Variants in MACROD2 observed in about 807,000 individuals in gnomAD.
MACROD2 encodes mono-ADP ribosylhydrolase 2.
A neutral mutation model predicts 70.4 loss-of-function variants in MACROD2; 36 were observed. The observed-to-expected ratio is 0.51, with a 90% CI of 0.39 to 0.68. MACROD2 has a LOEUF of 0.68. Ranked by LOEUF, MACROD2 falls within the 30% of genes least tolerant of loss-of-function variation. The pLI, the probability that MACROD2 is intolerant of heterozygous loss-of-function variation, is 0.00. For synonymous variants in MACROD2, 172 were observed against 178.8 expected (o/e 0.96, Z 0.30); for missense variants, 496 against 538.4 (o/e 0.92, Z 0.78).
At chr20:15,876,115 G>GTATTTA (rs58389023) in intron 9 of MACROD2, among the ~76,000 whole-genome samples, 1 of 139,038 alleles carries the variant, frequency 7.2e-6, no homozygotes, top group Non-Finnish European at 1.5e-5. Context: ...ATATATATGT[G>GTATTTA]TGTATTTTTT....
intron 8 of MACROD2, among the ~76,000 whole-genome samples, chr20:15,623,679 C>CCTATCTGTCTATCTAT (rs11471837): frequency 7.4e-5 from 11 of 148,138 alleles, no homozygotes; most frequent in African/African-American, 2.8e-4. Context: ...AAGTTATCTG[C>CCTATCTGTCTATCTAT]CTATCTATCT....
chr20:14,611,892 T>C (rs1600454283), intron 4 of MACROD2, among the ~76,000 whole-genome samples: 3 of 152,160 alleles, frequency 2.0e-5, no homozygotes, highest in Non-Finnish European at 4.4e-5. Flanking sequence ...TTAAAATGTA[T>C]GGTTTTAAAT....
At chr20:14,544,354 TC>T (rs2085467522) in intron 4 of MACROD2, among the ~76,000 whole-genome samples, 1 of 152,084 alleles carries the variant, frequency 6.6e-6, no homozygotes, top group Admixed American at 6.6e-5. Flanking sequence ...GAGTTTAAAA[TC>T]AGACAGATTC....
At chr20:15,184,451 G>A (rs1478844986) in intron 5 of MACROD2, among the ~76,000 whole-genome samples, 1 of 152,120 alleles carries the variant, frequency 6.6e-6, no homozygotes, top group Non-Finnish European at 1.5e-5. Context: ...ACCTGATAAA[G>A]GTTTATTTCT....
chr20:15,782,880 C>G (rs921767957), intron 8 of MACROD2, among the ~76,000 whole-genome samples: 1 of 152,016 alleles, frequency 6.6e-6, no homozygotes, highest in African/African-American at 2.4e-5. Context: ...CTATCTCACA[C>G]AGAGTCTTTC....
chr20:14,022,381 A>G (rs778495429), intron 2 of MACROD2, among the ~76,000 whole-genome samples: 8 of 152,104 alleles, frequency 5.3e-5, no homozygotes, highest in Non-Finnish European at 1.2e-4. Flanking sequence ...CGTTGAAAGT[A>G]TAAGTGAAAT....
rs373700177 is a variant in MACROD2 at position 15,355,902 on chromosome 20, T to TAAAC, written c.541-75487_541-75484dup. 3.7e-3 allele frequency among the ~76,000 whole-genome samples: 558 copies of TAAAC among 152,242 alleles called. 5 individuals are homozygous for TAAAC. The highest frequency in any genetic ancestry group is 5.7e-3 in the Non-Finnish European group (390 of 67,996). On this transcript the variant is annotated intron_variant, in intron 6 of 17. Coordinates refer to ENST00000684519, the MANE Select transcript of MACROD2 (RefSeq NM_001351661.2). ...CCCCTATAAAATAATTATGATCTAA[T>TAAAC]AAACAAACAAACAAACAAAAACACT...
At chr20:15,035,362 A>G (rs1472810859) in intron 5 of MACROD2, among the ~76,000 whole-genome samples, 1 of 152,154 alleles carries the variant, frequency 6.6e-6, no homozygotes, top group Non-Finnish European at 1.5e-5. Context: ...CTTGATCACA[A>G]CACTGCACTG....
chr20:14,966,440 G>T (rs2074637650), intron 5 of MACROD2, among the ~76,000 whole-genome samples: 1 of 152,130 alleles, frequency 6.6e-6, no homozygotes, highest in South Asian at 2.1e-4. Flanking sequence ...TTAAAGCATG[G>T]TGGTGCATGC....
chr20:14,302,914 AG>A (rs1247498528), intron 3 of MACROD2, among the ~76,000 whole-genome samples: 2 of 152,124 alleles, frequency 1.3e-5, no homozygotes, highest in Non-Finnish European at 2.9e-5. Flanking sequence ...GGACTCCCCA[AG>A]TGCTGGGACT....
chr20:15,513,720 A>G (rs1283095464), intron 8 of MACROD2, among the ~76,000 whole-genome samples: 1 of 152,238 alleles, frequency 6.6e-6, no homozygotes, highest in East Asian at 1.9e-4. Flanking sequence ...TTCATTACCA[A>G]TAAAAGTAAG....
At chr20:14,602,986 C>G (rs950733238) in intron 4 of MACROD2, among the ~76,000 whole-genome samples, 1 of 152,066 alleles carries the variant, frequency 6.6e-6, no homozygotes, top group African/African-American at 2.4e-5. Flanking sequence ...CCAGCATTAC[C>G]CAATTACATC....
At chr20:14,510,290 TC>T (rs1368174311) in intron 4 of MACROD2, among the ~76,000 whole-genome samples, 2 of 151,696 alleles carry the variant, frequency 1.3e-5, no homozygotes, top group African/African-American at 4.8e-5. Flanking sequence ...AAGAAAAATG[TC>T]TCTTGAGTTT....
chr20:14,658,563 A>G (rs1600507882), intron 4 of MACROD2, among the ~76,000 whole-genome samples: 1 of 152,278 alleles, frequency 6.6e-6, no homozygotes, highest in East Asian at 1.9e-4. Flanking sequence ...CCCTTTAGAA[A>G]TTGAGGAAGT....
chr20:15,029,074 C>A (rs2075255270), intron 5 of MACROD2, among the ~76,000 whole-genome samples: 1 of 152,122 alleles, frequency 6.6e-6, no homozygotes, highest in Non-Finnish European at 1.5e-5. Flanking sequence ...GGAGCAAGTT[C>A]ACATAAGGCA....
chr20:14,977,555 G>A (rs1600899548), intron 5 of MACROD2, among the ~76,000 whole-genome samples: 1 of 151,374 alleles, frequency 6.6e-6, no homozygotes, highest in Non-Finnish European at 1.5e-5. Flanking sequence ...ATGTGACTTG[G>A]GTAAGTCACA....
intron 5 of MACROD2, among the ~76,000 whole-genome samples, chr20:15,095,753 G>A (rs555226387): frequency 4.6e-5 from 7 of 152,084 alleles, no homozygotes; most frequent in Middle Eastern, 3.4e-3. Flanking sequence ...TCCTGACCTC[G>A]TGATCCACCC....
At chr20:14,084,498 T>A (rs943711457) in intron 2 of MACROD2, among the ~76,000 whole-genome samples, 1 of 152,216 alleles carries the variant, frequency 6.6e-6, no homozygotes, top group Non-Finnish European at 1.5e-5. Flanking sequence ...TTAAAAACCT[T>A]TTTATGAATA....
intron 8 of MACROD2, among the ~76,000 whole-genome samples, chr20:15,703,208 A>G (rs577704734): frequency 7.2e-5 from 11 of 152,330 alleles, no homozygotes; most frequent in African/African-American, 2.6e-4. Context: ...AACCTAGGAG[A>G]TACCCTTCTT....
Sources: allele counts gnomAD v4.1 joint callset (sites outside exome capture counted in the v4.1 genomes callset), GRCh38; gene constraint gnomAD v4.1.1; transcripts MANE v1.5; gene names NCBI Gene and HGNC (gene_info 2026-07-23, HGNC 2026-07-21).